Variants in MUC6 observed in about 807,000 individuals in gnomAD.
MUC6 encodes the protein mucin-6.
MUC6 carries 188 observed loss-of-function variants against 201.5 expected under a neutral mutation model. That is an observed-to-expected ratio of 0.93 (90% confidence interval 0.83 to 1.05). The LOEUF (loss-of-function observed/expected upper bound fraction) is 1.05, where lower values mean the gene tolerates loss of function less well. MUC6 is among the 50% of genes least tolerant of loss of function. The pLI is 0.00. For synonymous variants in MUC6, 1,228 were observed against 1,389.4 expected (o/e 0.88, Z 2.58); for missense variants, 2,706 against 3,256.9 (o/e 0.83, Z 4.12).
intron 7 of MUC6, 31 bp from the exon 8 acceptor site, chr11:1,030,366 T>TTCCCCCCCCCCCCCCCCCCCCCCC: frequency 6.7e-7 from 1 of 1,489,594 alleles, no homozygotes; most frequent in Non-Finnish European, 9.1e-7. Flanking sequence ...GGTGAGAGGG[T>TTCCCCCCCCCCCCCCCCCCCCCCC]CCCACCCCCC....
Position 1,016,440 on chromosome 11 carries a change from CAG to C in MUC6, c.6359_6360del (p.Pro2120ArgfsTer5). On this transcript the variant is annotated frameshift_variant, in exon 31 of 33. Transcript: ENST00000421673. LOFTEE classifies it high-confidence loss of function. Reference protein sequence around the residue: ...QLPHLSSATTPVSTTNQLSSS... With the variant: ...QLPHLSSATTXVSTTNQLSSS... ...GAGGACAGCTGATTAGTTGTGGAAACAGGAGTGGTTGCAGAACTCAAGTGGGG... is the reference window on the plus strand; with the variant it reads ...GAGGACAGCTGATTAGTTGTGGAAACGAGTGGTTGCAGAACTCAAGTGGGG... 1 of 1,613,844 alleles carries C rather than the reference CAG, an allele frequency of 6.2e-7. No homozygotes were observed. The highest frequency in any genetic ancestry group is 8.5e-7 in the Non-Finnish European group (1 of 1,179,860).
intron 15 of MUC6, 56 bp downstream of exon 15, chr11:1,027,909 T>C: frequency 6.4e-7 from 1 of 1,562,986 alleles, no homozygotes; most frequent in Non-Finnish European, 8.7e-7. Context: ...GCCTGAGACC[T>C]TGTCAGCCAC....
At position 1,027,053 on chromosome 11, in the gene MUC6, G is replaced by T; in HGVS notation, c.2285-3C>A. The T allele has an allele frequency of 6.2e-7, 1 of 1,603,954 alleles. No individual in the cohort carries two copies. The highest frequency in any genetic ancestry group is 8.5e-7 in the Non-Finnish European group (1 of 1,176,058). On this transcript the variant is annotated splice_region_variant and splice_polypyrimidine_tract_variant and intron_variant, in intron 18 of 32. Coordinates refer to ENST00000421673, the MANE Select transcript of MUC6 (RefSeq NM_005961.3). ...GGTCTTAGGGGCCTGGCAGGAGGCT[G>T]CAGGAAAGAGGGGTGCGCGGTCAGG...
Position 1,023,978 on chromosome 11 carries a change from C to T in MUC6, c.3351G>A (p.Val1117=). Residue 1117 remains valine (V), a synonymous_variant, in exon 25 of 33, where the codon GTG becomes GTA. Coordinates refer to ENST00000421673, the MANE Select transcript of MUC6 (RefSeq NM_005961.3). Reference sequence around the variant, plus strand: ...AGGCCGGGGTCCTCCAGTCCACGCACACACCCTTGTCCAGACAGGCTTGGG... The same window carrying T: ...AGGCCGGGGTCCTCCAGTCCACGCATACACCCTTGTCCAGACAGGCTTGGG... ...AYAQACLDKG[V]CVDWRTPAFC... 1.2e-6 allele frequency: 2 copies of T among 1,612,840 alleles called. No homozygotes were observed. Among genetic ancestry groups the T allele is most frequent in the South Asian group, 1.1e-5 (1 of 91,058 alleles).
rs1857154086 is a variant in MUC6, at chr11:1,033,346, G to A, written c.53-271C>T. On this transcript the variant is annotated intron_variant, in intron 1 of 32. Coordinates refer to ENST00000421673, the MANE Select transcript of MUC6 (RefSeq NM_005961.3). The surrounding 1 kb of genome is among the most constrained non-coding windows in gnomAD (Gnocchi z 5.6). The stretch of plus-strand genomic sequence containing the variant: ...TTCAGCCGTCAGCCCCTCGGGGTTC[G>A]GCAGATGGCGGGCACCCTGTGTGCA... The A allele has an allele frequency of 1.8e-6, 1 of 541,788 alleles. No individual in the cohort carries two copies. The highest frequency in any genetic ancestry group is 2.9e-5 in the East Asian group (1 of 33,978). The allele number at this position is 541,788 out of a possible 1,614,324, so 33.6% of individuals were successfully genotyped here.
At chr11:1,036,114 C>G (rs1272633952) in intron 1 of MUC6, among the ~76,000 whole-genome samples, 1 of 152,092 alleles carries the variant, frequency 6.6e-6, no homozygotes, top group Non-Finnish European at 1.5e-5. Context: ...CCCTCTTCCC[C>G]CCACGGCGGC....
intron 24 of MUC6, among the ~76,000 whole-genome samples, chr11:1,024,358 C>T (rs1414024501): frequency 5.3e-5 from 8 of 152,238 alleles, no homozygotes; most frequent in Admixed American, 2.0e-4. Context: ...CCGCTAACCA[C>T]GGCCACTGCA....
chr11:1,035,705 T>C (rs1325245690), intron 1 of MUC6, among the ~76,000 whole-genome samples: 1 of 152,032 alleles, frequency 6.6e-6, no homozygotes, highest in Non-Finnish European at 1.5e-5. Flanking sequence ...CCCACTGTGC[T>C]CTGAGCCCGA....
intron 1 of MUC6, among the ~76,000 whole-genome samples, chr11:1,035,830 G>A (rs1212129845): frequency 2.0e-5 from 3 of 152,140 alleles, no homozygotes; most frequent in Non-Finnish European, 4.4e-5. Context: ...GGAGGAGCAC[G>A]GAACACAGAG....
At position 1,029,593 on chromosome 11, in the gene MUC6, GGA is replaced by G; in HGVS notation, c.1036_1037del (p.Ser346GlnfsTer2). Reference protein sequence around the residue: ...CPEGTVLNDLSNNHTCVPVTQ... With the variant: ...CPEGTVLNDLXNNHTCVPVTQ... ...TGACGGGCACGCAGGTGTGGTTATT[GGA>G]GAGGTCATTCAGGACCGTACCTGCA... is the stretch of plus-strand genomic sequence containing the variant. On this transcript the variant is annotated frameshift_variant, in exon 9 of 33. Transcript: ENST00000421673. LOFTEE classifies it high-confidence loss of function. 6.2e-7 allele frequency: 1 copy of G among 1,603,980 alleles called. No individual in the cohort carries two copies. Among genetic ancestry groups the G allele is most frequent in the South Asian group, 1.1e-5 (1 of 90,004 alleles).
intron 17 of MUC6, 32 bp downstream of exon 17, chr11:1,027,236 A>G (rs1036098086): frequency 1.9e-6 from 3 of 1,608,200 alleles, no homozygotes; most frequent in Non-Finnish European, 2.5e-6. Context: ...CCTGGCAGGG[A>G]CCCCCCGCCT....
intron 2 of MUC6, among the ~76,000 whole-genome samples, chr11:1,032,284 GTT>G (rs1491414528): frequency 2.6e-5 from 4 of 152,192 alleles, no homozygotes; most frequent in Non-Finnish European, 1.5e-5. Context: ...ACGTATGTGT[GTT>G]GTGTGTGTGC....
chr11:1,025,866 T>C lies in MUC6; in HGVS notation c.2738A>G (p.Glu913Gly), dbSNP rs770444726. 1 of 1,612,934 alleles carries C rather than the reference T, an allele frequency of 6.2e-7. No homozygotes were observed. The highest frequency in any genetic ancestry group is 2.2e-5 in the East Asian group (1 of 44,862). The change falls in exon 22 of 33, where the codon GAG becomes GGG. Residue 913 changes from glutamate to glycine, a missense_variant. By Grantham distance (98) the Glu-to-Gly change is moderately conservative (BLOSUM62 -2). Around this residue, in one of 10 missense-constraint regions of MUC6, gnomAD observed 1,850 missense variants for 1,958.3 expected, o/e 0.94. Transcript: ENST00000421673. Reference protein sequence around the residue: ...DSQPTFKILTENVICGNSGVT... With the variant: ...DSQPTFKILTGNVICGNSGVT... ...CCCGGAGTTCCCACAGATGACGTTCTCTGTCAGGATCTTGAAGGTGGGCTG... is the reference window on the plus strand; with the variant it reads ...CCCGGAGTTCCCACAGATGACGTTCCCTGTCAGGATCTTGAAGGTGGGCTG...
Position 1,013,511 on chromosome 11 carries a change from A to C in MUC6, c.7265T>G (p.Leu2422Arg). ...GCAGTGGCTGAACACCTGCAGGGTG[A>C]GTACGAGCCGCCGGCCAGGCGTGCT... Reference protein sequence around the residue: ...DPSTPGRRLVLTLQVFSHCVC... With the variant: ...DPSTPGRRLVRTLQVFSHCVC... Residue 2422 changes from leucine to arginine, a missense_variant, in exon 33 of 33, where the codon CTC (leucine) becomes CGC (arginine). Leu to Arg is a moderately radical substitution (Grantham distance 102). Transcript: ENST00000421673. The C allele has an allele frequency of 6.3e-7, 1 of 1,582,804 alleles. No individual in the cohort carries two copies. The highest frequency in any genetic ancestry group is 8.6e-7 in the Non-Finnish European group (1 of 1,166,056).
At chr11:1,028,841 G>A (rs369537750) in intron 12 of MUC6, 48 bp downstream of exon 12, 40 of 1,609,310 alleles carry the variant, frequency 2.5e-5, no homozygotes, top group Non-Finnish European at 2.7e-5. Context: ...ACTGCAGCCC[G>A]CCCCGAAGGC....
chr11:1,024,663 C>T (rs945269029), intron 24 of MUC6, among the ~76,000 whole-genome samples, 181 bp downstream of exon 24: 3 of 152,286 alleles, frequency 2.0e-5, no homozygotes, highest in East Asian at 3.9e-4. Flanking sequence ...CCACAGTGCA[C>T]GAGTCGGCCC....
rs1422248887 is a variant in MUC6, at chr11:1,036,589, C to G, written c.52+15G>C. 1.3e-6 allele frequency: 2 copies of G among 1,548,764 alleles called. No homozygotes were observed. The highest frequency in any genetic ancestry group is 2.0e-5 in the Admixed American group (1 of 50,940). ...GAGGGCACCGCAGTGTCTGGCGCCCCTCGACCTCACTCACCAGCGCTGAGC... is the reference window on the plus strand; with the variant it reads ...GAGGGCACCGCAGTGTCTGGCGCCCGTCGACCTCACTCACCAGCGCTGAGC... On this transcript the variant is annotated intron_variant, in intron 1 of 32. Coordinates refer to ENST00000421673, the MANE Select transcript of MUC6 (RefSeq NM_005961.3).
chr11:1,024,317 G>A (rs1856898376), intron 24 of MUC6, among the ~76,000 whole-genome samples: 1 of 152,200 alleles, frequency 6.6e-6, no homozygotes, highest in Admixed American at 6.5e-5. Context: ...CTCACGCCTT[G>A]AGACCCGCCA....
At chr11:1,034,930 G>C (rs1857183567) in intron 1 of MUC6, among the ~76,000 whole-genome samples, 1 of 152,214 alleles carries the variant, frequency 6.6e-6, no homozygotes, top group Non-Finnish European at 1.5e-5. Context: ...TCCAGCGGGA[G>C]ACTCCTGCGT....
Sources: allele counts gnomAD v4.1 joint callset (sites outside exome capture counted in the v4.1 genomes callset), GRCh38; gene constraint gnomAD v4.1.1; regional missense constraint gnomAD v4.1.1; non-coding constraint Gnocchi (gnomAD v3.1); transcripts MANE v1.5; gene names NCBI Gene and HGNC (gene_info 2026-07-23, HGNC 2026-07-21).